Variants in CUL4B observed in about 807,000 individuals in gnomAD.
The protein encoded by CUL4B is cullin 4B.
CUL4B carries 1 observed loss-of-function variant against 69.2 expected under a neutral mutation model. The ratio of observed to expected loss-of-function variants is 0.01; its 90% CI spans 0.01 to 0.07. The LOEUF (loss-of-function observed/expected upper bound fraction) is 0.07. Ranked by LOEUF, CUL4B falls within the 10% of genes least tolerant of loss-of-function variation. The probability of loss-of-function intolerance (pLI) is 1.00; values close to 1 mark genes in which losing one functional copy is unlikely to be tolerated. For missense variants in CUL4B, 328 were observed against 638.8 expected (o/e 0.51, Z 5.24); for synonymous variants, 237 against 223.2 (o/e 1.06, Z -0.55).
chrX:120,556,970 G>A (rs1925012248), intron 2 of CUL4B, among the ~76,000 whole-genome samples: 1 of 106,723 alleles, frequency 9.4e-6, no homozygotes, highest in Admixed American at 1.0e-4. Flanking sequence ...GGAGTGCAAT[G>A]GTGCAATCTC....
chrX:120,540,772 G>C (rs1190848673), intron 10 of CUL4B, among the ~76,000 whole-genome samples: 1 of 112,043 alleles, frequency 8.9e-6, no homozygotes. Context: ...CAAGTAGCTG[G>C]AGTTACAGGC....
intron 17 of CUL4B, among the ~76,000 whole-genome samples, chrX:120,533,850 G>A (rs1238992877): frequency 9.1e-6 from 1 of 109,896 alleles, no homozygotes. Flanking sequence ...GGCGGATCAC[G>A]AGGTCAGGAG....
At chrX:120,557,322 C>A (rs1206807958) in intron 2 of CUL4B, among the ~76,000 whole-genome samples, 1 of 111,624 alleles carries the variant, frequency 9.0e-6, no homozygotes, top group South Asian at 3.7e-4. Flanking sequence ...AGGGATTGCC[C>A]TTAGGAACTG....
In CUL4B at chrX:120,557,965, T is replaced by C. The variant is rs1057518220; in HGVS notation, c.631A>G (p.Asn211Asp). The change falls in exon 2 of 20, where the codon AAT becomes GAT. Residue 211 changes from asparagine (N) to aspartate (D), a missense_variant. Asn to Asp is a conservative substitution (Grantham distance 23). Coordinates refer to ENST00000371322, the MANE Select transcript of CUL4B (RefSeq NM_001079872.2). ...KLKEAVEAIQ[N>D]STSIKYNLEE... The stretch of plus-strand genomic sequence containing the variant: ...AAATTGTACTTAATTGAAGTACTAT[T>C]CTGAATAGCTTCCACTGCTTCTTTC... The C allele has an allele frequency of 1.5e-5, 18 of 1,205,872 alleles. No homozygotes were observed. The highest frequency in any genetic ancestry group is 2.2e-5 in the Admixed American group (1 of 45,734).
chrX:120,534,703 A>G (rs1923543811), intron 16 of CUL4B, 117 bp from the exon 17 acceptor site: 1 of 541,202 alleles, frequency 1.8e-6, no homozygotes, highest in African/African-American at 2.3e-5. Flanking sequence ...GATTAGCATT[A>G]TCCAGCAAAG....
Position 120,544,719 on chromosome X carries a change from CAT to C in CUL4B, c.921-78_921-77del, listed in dbSNP as rs1243662008. On this transcript the variant is annotated intron_variant, in intron 5 of 19. Coordinates refer to ENST00000371322, the MANE Select transcript of CUL4B (RefSeq NM_001079872.2). ...AAGAGGTTTGCTTAACTTCTTACCACATGTTCCCATGCTAATTAGGGCTCCAG... is the reference window on the plus strand; with the variant it reads ...AAGAGGTTTGCTTAACTTCTTACCACGTTCCCATGCTAATTAGGGCTCCAG... 3.3e-5 allele frequency: 28 copies of C among 859,913 alleles called. No homozygotes were observed. In the East Asian group the frequency reaches 3.8e-4, roughly 12 times the overall value. The allele number at this position is 859,913 out of a possible 1,213,427, so 70.9% of individuals were successfully genotyped here.
chrX:120,561,422 C>G (rs746853290), upstream of CUL4B: 15 of 551,688 alleles, frequency 2.7e-5, no homozygotes, highest in Non-Finnish European at 5.0e-5. Context: ...CCGAAGCCCC[C>G]AGGTCCGCAG....
Position 120,546,577 on chromosome X carries a change from A to G in CUL4B, c.816T>C (p.Asp272=), listed in dbSNP as rs1231656042. ...LDSVLFLKKI[D]RCWQNHCRQM... ...GTCTGCAATGGTTTTGCCAGCATCT[A>G]TCAATCTTCTTTAAAAAAAGAACGC... Residue 272 remains aspartate (D), a synonymous_variant, in exon 4 of 20, where the codon GAT becomes GAC. Transcript: ENST00000371322. The G allele has an allele frequency of 8.3e-7, 1 of 1,203,541 alleles. No individual in the cohort carries two copies. Among genetic ancestry groups the G allele is most frequent in the Non-Finnish European group, 1.1e-6 (1 of 890,195 alleles).
intron 9 of CUL4B, 81 bp from the exon 10 acceptor site, chrX:120,541,801 A>T: frequency 1.6e-6 from 1 of 633,619 alleles, no homozygotes; most frequent in Admixed American, 2.2e-5. Flanking sequence ...ATAAAATTTG[A>T]GTTATAATCA....
At chrX:120,532,664 G>T in intron 17 of CUL4B, 70 bp from the exon 18 acceptor site, 1 of 912,731 alleles carries the variant, frequency 1.1e-6, no homozygotes, top group South Asian at 2.0e-5. Flanking sequence ...CCTCAATCTA[G>T]CTTCCACTCC....
intron 12 of CUL4B, 140 bp downstream of exon 12, chrX:120,539,128 C>T (rs1383833761): frequency 2.9e-5 from 13 of 446,317 alleles, no homozygotes; most frequent in Admixed American, 8.3e-5. Flanking sequence ...ACATTCCTCA[C>T]GTATCCCCCC....
intron 10 of CUL4B, 130 bp from the exon 11 acceptor site, chrX:120,540,692 G>A: frequency 1.9e-6 from 1 of 521,722 alleles, no homozygotes; most frequent in Admixed American, 3.9e-5. Context: ...TTTTTAAGAT[G>A]GAATCTTGCT....
chrX:120,559,917 C>G, intron 1 of CUL4B, 166 bp downstream of exon 1: 3 of 1,138,463 alleles, frequency 2.6e-6, no homozygotes, highest in Admixed American at 3.0e-5. Context: ...TAACCACCCC[C>G]GGAAAATGAA....
intron 9 of CUL4B, 141 bp from the exon 10 acceptor site, chrX:120,541,861 T>C (rs1181630729): frequency 9.2e-5 from 44 of 478,288 alleles, no homozygotes; most frequent in Non-Finnish European, 1.5e-4. Flanking sequence ...TGAGTTGTAA[T>C]GTAAGATTTC....
At chrX:120,552,623 T>TA (rs1402054995) in intron 2 of CUL4B, among the ~76,000 whole-genome samples, 1 of 110,217 alleles carries the variant, frequency 9.1e-6, no homozygotes, top group Non-Finnish European at 1.9e-5. Flanking sequence ...ACAGGATACA[T>TA]AAAAAATGTG....
chrX:120,558,780 A>G (rs1477523402), intron 1 of CUL4B, among the ~76,000 whole-genome samples: 1 of 111,854 alleles, frequency 8.9e-6, no homozygotes, highest in Non-Finnish European at 1.9e-5. Flanking sequence ...TAATTAGAAT[A>G]TCCAAATGCC....
At chrX:120,558,663 G>A in intron 1 of CUL4B, among the ~76,000 whole-genome samples, 1 of 111,941 alleles carries the variant, frequency 8.9e-6, no homozygotes, top group East Asian at 2.8e-4. Flanking sequence ...TTTAAAGACT[G>A]AAAGAAATGA....
At chrX:120,534,355 A>G (rs1353058762) in intron 17 of CUL4B, 126 bp downstream of exon 17, 1 of 534,861 alleles carries the variant, frequency 1.9e-6, no homozygotes, top group African/African-American at 2.4e-5. Flanking sequence ...ACCCTGTCTC[A>G]TTAAAAAAAA....
In CUL4B at chrX:120,526,170, C is replaced by G. The variant is rs1409782035; in HGVS notation, c.*591G>C. 1 of 112,591 alleles carries G rather than the reference C, an allele frequency of 8.9e-6. No homozygotes were observed. Among genetic ancestry groups the G allele is most frequent in the Non-Finnish European group, 1.9e-5 (1 of 53,521 alleles). The allele number at this position is 112,591 out of a possible 1,213,427, so 9.3% of individuals were successfully genotyped here. The stretch of plus-strand genomic sequence containing the variant: ...AAGCAACTGTCCCCCTACTTGAAAA[C>G]TTGTTTCCAAATAATTTTTTTTAAA... On this transcript the variant is annotated 3_prime_UTR_variant, in exon 20 of 20. Coordinates refer to ENST00000371322, the MANE Select transcript of CUL4B (RefSeq NM_001079872.2).
Sources: gnomAD v4.1 joint callset for allele counts (sites outside exome capture counted in the v4.1 genomes callset) on GRCh38, gnomAD v4.1.1 for gene constraint, MANE v1.5 for transcripts, NCBI Gene and HGNC (gene_info 2026-07-23, HGNC 2026-07-21) for gene names.